The following CXXC1 variants were observed in gnomAD, a reference collection of about 807,000 sequenced individuals.
CXXC1 encodes CXXC finger protein 1.
CXXC1 carries 21 observed loss-of-function variants against 83.6 expected under a neutral mutation model. The ratio of observed to expected loss-of-function variants is 0.25; its 90% confidence interval spans 0.18 to 0.36. CXXC1 has a LOEUF of 0.36. Ranked by LOEUF, CXXC1 falls within the 10% of genes least tolerant of loss-of-function variation. The pLI, the probability that CXXC1 is intolerant of heterozygous loss-of-function variation, is 1.00. For missense variants in CXXC1, 688 were observed against 919.5 expected, an observed-to-expected ratio of 0.75 and a Z score of 3.26; for synonymous variants, 371 against 337.5, an observed-to-expected ratio of 1.10 and a Z score of -1.09.
chr18:50,286,208 C>A lies in CXXC1; in HGVS notation c.273G>T (p.Glu91Asp), dbSNP rs763319631. Residue 91 changes from glutamate (E) to aspartate (D), a missense_variant, in exon 4 of 15, where the codon GAG becomes GAT. Glu to Asp is a conservative substitution (Grantham distance 45, BLOSUM62 2). Transcript: ENST00000285106. ...TGCTGTCCCGCTCATTGCCATCCCG[C>A]TCCCGTGACTTCTTGTGCCGATAGC... ...EIRYRHKKSR[E>D]RDGNERDSSE... 9.3e-6 allele frequency: 15 copies of A among 1,613,116 alleles called. No homozygotes were observed. The highest frequency in any genetic ancestry group is 1.3e-5 in the Non-Finnish European group (15 of 1,179,904).
intron 7 of CXXC1, 53 bp from the exon 8 acceptor site, chr18:50,284,892 A>G: frequency 6.2e-7 from 1 of 1,612,888 alleles, no homozygotes; most frequent in South Asian, 1.1e-5. Flanking sequence ...CAACCCCACC[A>G]CCTACTCATG....
At chr18:50,283,228 G>A (rs766100376) in intron 13 of CXXC1, 37 bp downstream of exon 13, 33 of 1,551,042 alleles carry the variant, frequency 2.1e-5, no homozygotes, top group Non-Finnish European at 2.8e-5. Flanking sequence ...AGGCAGGGAG[G>A]AGGGGCAAAA....
At chr18:50,284,144 G>T in intron 9 of CXXC1, 43 bp from the exon 10 acceptor site, 1 of 1,575,106 alleles carries the variant, frequency 6.3e-7, no homozygotes. Context: ...GAGGTGATCA[G>T]TAAGTGAGAA....
At chr18:50,286,338 T>C in intron 3 of CXXC1, 81 bp from the exon 4 acceptor site, 1 of 1,338,954 alleles carries the variant, frequency 7.5e-7, no homozygotes, top group Non-Finnish European at 1.0e-6. Flanking sequence ...TCCTCTTCGC[T>C]CCCTTACTGA....
At chr18:50,284,909 A>G in intron 7 of CXXC1, 70 bp from the exon 8 acceptor site, 1 of 1,612,708 alleles carries the variant, frequency 6.2e-7, no homozygotes, top group South Asian at 1.1e-5. Context: ...CATGTCCCAT[A>G]TCAGCCTTCC....
intron 3 of CXXC1, 56 bp from the exon 4 acceptor site, chr18:50,286,313 C>T: frequency 3.4e-6 from 5 of 1,470,296 alleles, no homozygotes; most frequent in Non-Finnish European, 4.6e-6. Flanking sequence ...TTGAATGGTC[C>T]CAAAACCTCT....
chr18:50,284,382 C>G lies in CXXC1; in HGVS notation c.1201G>C (p.Ala401Pro). The G allele has an allele frequency of 6.5e-7, 1 of 1,538,998 alleles. No individual in the cohort carries two copies. Among genetic ancestry groups the G allele is most frequent in the Non-Finnish European group, 8.7e-7 (1 of 1,146,194 alleles). ...CSDDCGMKLA[A>P]NRIYEILPQR... Reference sequence around the variant, plus strand: ...AACCTCTCAGGAATGACTCACTTGGCTGCCAGCTTCATGCCACAGTCATCT... The same window carrying G: ...AACCTCTCAGGAATGACTCACTTGGGTGCCAGCTTCATGCCACAGTCATCT... The change falls in exon 9 of 15, where the codon GCC becomes CCC. Residue 401 changes from alanine (A) to proline (P), a missense_variant. Ala to Pro is a conservative substitution (Grantham distance 27). Around this residue, in one of 9 missense-constraint regions of CXXC1, gnomAD observed 100 missense variants for 142.5 expected, o/e 0.70. Transcript: ENST00000285106.
At position 50,286,819 on chromosome 18, in the gene CXXC1, C is replaced by T. The variant is rs747895434; in HGVS notation, c.43G>A (p.Glu15Lys). 1 of 1,613,998 alleles carries T rather than the reference C, an allele frequency of 6.2e-7. No individual in the cohort carries two copies. Among genetic ancestry groups the T allele is most frequent in the South Asian group, 1.1e-5 (1 of 91,076 alleles). ...GSDPEPPDAGEDSKSENGENA... is the reference protein window; with the variant it reads ...GSDPEPPDAGKDSKSENGENA... ...TCCCCATTCTCGGACTTGCTGTCCT[C>T]CCCGGCATCTGGAGGCTCTGGGTCT... The change falls in exon 2 of 15, where the codon GAG becomes AAG. Residue 15 changes from glutamate to lysine, a missense_variant. Physicochemically the swap from Glu to Lys is moderately conservative, Grantham distance 56. This residue lies in a region of CXXC1 where 51 missense variants were observed against 48.0 expected (regional missense o/e 1.06). Coordinates refer to ENST00000285106, the MANE Select transcript of CXXC1 (RefSeq NM_014593.4).
chr18:50,287,358 C>A, intron 1 of CXXC1: 1 of 563,804 alleles, frequency 1.8e-6, no homozygotes, highest in Non-Finnish European at 3.2e-6. Flanking sequence ...ATCATGGTTT[C>A]CCACGGAACT....
In CXXC1 at chr18:50,282,439, G is replaced by C. The variant is rs1377149654; in HGVS notation, c.*154C>G. On this transcript the variant is annotated 3_prime_UTR_variant, in exon 15 of 15. Coordinates refer to ENST00000285106, the MANE Select transcript of CXXC1 (RefSeq NM_014593.4). The surrounding 1 kb of genome is among the most constrained non-coding windows in gnomAD (Gnocchi z 5.8). ...CCCACCAGGCACTGAACATGTCGACGGGGACAGTCCCTCTGATAAAGGCAG... is the reference window on the plus strand; with the variant it reads ...CCCACCAGGCACTGAACATGTCGACCGGGACAGTCCCTCTGATAAAGGCAG... 3 of 942,302 alleles carry C rather than the reference G, an allele frequency of 3.2e-6. No homozygotes were observed. In the African/African-American group the frequency reaches 4.9e-5, roughly 15 times the overall value. The allele number at this position is 942,302 out of a possible 1,614,324, so 58.4% of individuals were successfully genotyped here. A position where few individuals can be genotyped will look rare whatever the true frequency, so the allele number is the denominator to read the frequency against.
intron 3 of CXXC1, 134 bp downstream of exon 3, chr18:50,286,405 C>T (rs2040715142): frequency 5.7e-6 from 6 of 1,048,010 alleles, no homozygotes; most frequent in Middle Eastern, 2.1e-4. Flanking sequence ...CCCGTGGGAT[C>T]TTCTATTACT....
At position 50,283,373 on chromosome 18, in the gene CXXC1, G is replaced by C; in HGVS notation, c.1575-12C>G. The C allele has an allele frequency of 6.2e-7, 1 of 1,611,208 alleles. No homozygotes were observed. Among genetic ancestry groups the C allele is most frequent in the South Asian group, 1.1e-5 (1 of 91,000 alleles). On this transcript the variant is annotated splice_polypyrimidine_tract_variant and intron_variant, in intron 12 of 14. Transcript: ENST00000285106. ...AGAGTCGTGTGGCCCTGGGGATTTG[G>C]AGTAGAGAGGGCAGTAGAGGGAGGG...
rs575891351 is a variant in CXXC1 at position 50,282,473 on chromosome 18, T to C, written c.*120A>G. ...CCCTCTGATAAAGGCAGATGGGCGGTCAACCGGTGGATGGGCACAGGGAGA... is the reference window on the plus strand; with the variant it reads ...CCCTCTGATAAAGGCAGATGGGCGGCCAACCGGTGGATGGGCACAGGGAGA... On this transcript the variant is annotated 3_prime_UTR_variant, in exon 15 of 15. Transcript: ENST00000285106. This position sits in a 1 kb window ranked among gnomAD's most constrained non-coding sequence, Gnocchi z 5.8. 7.6e-7 allele frequency: 1 copy of C among 1,311,438 alleles called. No homozygotes were observed. Among genetic ancestry groups the C allele is most frequent in the East Asian group, 2.3e-5 (1 of 43,214 alleles). 81.2% of individuals were successfully genotyped at this position (1,311,438 alleles called of 1,614,324 possible). A position where few individuals can be genotyped will look rare whatever the true frequency, so the allele number is the denominator to read the frequency against.
chr18:50,287,249 C>T, intron 1 of CXXC1: 1 of 511,650 alleles, frequency 2.0e-6, no homozygotes, highest in Non-Finnish European at 3.5e-6. Flanking sequence ...TCGCGGCTGT[C>T]CACGGATACC....
chr18:50,283,488 C>T, intron 12 of CXXC1, 27 bp downstream of exon 12: 3 of 1,613,738 alleles, frequency 1.9e-6, no homozygotes, highest in East Asian at 2.2e-5. Flanking sequence ...AACCCCCCAC[C>T]TCTCACTGCG....
rs1340032005 is a variant in CXXC1, at chr18:50,283,862, G to A, written c.1413+32C>T. ...ATAAGGCTGGGAAGGACAAAGTACA[G>A]GCCCTGCTCTGCTGCGCCCCTGCTT... On this transcript the variant is annotated intron_variant, in intron 10 of 14. Transcript: ENST00000285106. The A allele has an allele frequency of 4.3e-6, 7 of 1,613,944 alleles. No homozygotes were observed. In the South Asian group the frequency reaches 7.7e-5, roughly 18 times the overall value.
At chr18:50,284,299 C>T (rs1287302391) in intron 9 of CXXC1, 79 bp downstream of exon 9, 1 of 1,520,026 alleles carries the variant, frequency 6.6e-7, no homozygotes, top group Non-Finnish European at 8.8e-7. Flanking sequence ...AGCTGATTGA[C>T]TGGTAGACAT....
rs1484642408 is a variant in CXXC1 at position 50,286,534 on chromosome 18, C to T, written c.223+5G>A. The T allele has an allele frequency of 6.2e-7, 1 of 1,613,130 alleles. No individual in the cohort carries two copies. The highest frequency in any genetic ancestry group is 1.7e-5 in the Admixed American group (1 of 59,998). On this transcript the variant is annotated splice_donor_5th_base_variant and intron_variant, in intron 3 of 14. Coordinates refer to ENST00000285106, the MANE Select transcript of CXXC1 (RefSeq NM_014593.4). ...CTGCCTTCCCTGTCCATCCATGGCC[C>T]TCACCTCTGCACTCCCGACAGTACC... is the stretch of plus-strand genomic sequence containing the variant.
intron 1 of CXXC1, chr18:50,287,232 C>T: frequency 1.0e-5 from 5 of 501,300 alleles, no homozygotes; most frequent in Non-Finnish European, 3.6e-6. Context: ...CCCGCACCCA[C>T]CCCCAGTCGC....
Sources: allele counts gnomAD v4.1 joint callset, GRCh38; gene constraint gnomAD v4.1.1; regional missense constraint gnomAD v4.1.1; non-coding constraint Gnocchi (gnomAD v3.1); transcripts MANE v1.5; gene names NCBI Gene and HGNC (gene_info 2026-07-23, HGNC 2026-07-21).